Variants in PCDH9 observed in about 807,000 individuals in gnomAD.
PCDH9 encodes protocadherin-9.
Under a neutral mutation model 70.6 loss-of-function variants are expected in PCDH9, and 24 were observed. The ratio of observed to expected loss-of-function variants is 0.34; its 90% CI spans 0.25 to 0.48. The LOEUF is 0.48. Among genes scored for constraint, PCDH9 ranks in the 20% least tolerant of loss-of-function variants. The pLI, the probability that PCDH9 is intolerant of heterozygous loss-of-function variation, is 0.99. For missense variants in PCDH9, 1,281 were observed against 1,503.6 expected, an observed-to-expected ratio of 0.85 and a Z score of 2.45; for synonymous variants, 562 against 558.5, an observed-to-expected ratio of 1.01 and a Z score of -0.09.
rs139153382 is a variant in PCDH9, at chr13:66,807,351, T to C, written c.3138+96153A>G. Among the ~76,000 whole-genome samples the C allele has an allele frequency of 1.6e-3, 241 of 152,308 alleles. 1 individual carries two copies. The highest frequency in any genetic ancestry group is 5.5e-3 in the African/African-American group (228 of 41,570). On this transcript the variant is annotated intron_variant, in intron 3 of 4. Transcript: ENST00000377865. ...CCAAATAGCTGGATTTGTGCAACAC[T>C]ATTATACTATTTTTCAAATTCTTCA... is the stretch of plus-strand genomic sequence containing the variant.
At chr13:67,151,375 C>T (rs754651256) in intron 2 of PCDH9, among the ~76,000 whole-genome samples, 5 of 152,238 alleles carry the variant, frequency 3.3e-5, no homozygotes, top group Non-Finnish European at 5.9e-5. Flanking sequence ...AAGAACATGA[C>T]CTTATTTCCT....
chr13:66,783,488 C>A (rs558721648), intron 3 of PCDH9, among the ~76,000 whole-genome samples: 1 of 152,188 alleles, frequency 6.6e-6, no homozygotes, highest in South Asian at 2.1e-4. Context: ...CAGGTATATT[C>A]TGAACACTGT....
chr13:66,701,384 T>C (rs565792080), intron 3 of PCDH9, among the ~76,000 whole-genome samples: 19 of 152,136 alleles, frequency 1.2e-4, no homozygotes, highest in Non-Finnish European at 2.6e-4. Flanking sequence ...TGTGTAAATA[T>C]ATATATACAT....
intron 3 of PCDH9, among the ~76,000 whole-genome samples, chr13:66,695,195 G>T (rs559196933): frequency 2.6e-3 from 395 of 152,230 alleles, no homozygotes; most frequent in African/African-American, 8.6e-3. Context: ...GAGCCACCGC[G>T]CCCGGTATAT....
chr13:66,810,791 G>C (rs965848355), intron 3 of PCDH9, among the ~76,000 whole-genome samples: 1 of 151,610 alleles, frequency 6.6e-6, no homozygotes, highest in Non-Finnish European at 1.5e-5. Flanking sequence ...AATATTTCAA[G>C]CTTAAGAAAA....
In PCDH9 at chr13:66,849,517, T is replaced by TATATAGAG. The variant is rs1272589939; in HGVS notation, c.3138+53986_3138+53987insCTCTATAT. ...ATATATATATATATATATATATATA[T>TATATAGAG]AGAGAGAGAGAGAGAGAGAGAGAGA... is the stretch of plus-strand genomic sequence containing the variant. On this transcript the variant is annotated intron_variant, in intron 3 of 4. Transcript: ENST00000377865. Among the ~76,000 whole-genome samples, 117 of 63,546 alleles carry TATATAGAG rather than the reference T, an allele frequency of 1.8e-3. 1 individual carries two copies. Among genetic ancestry groups the TATATAGAG allele is most frequent in the Admixed American group, 5.7e-3 (29 of 5,048 alleles). 41.7% of individuals were successfully genotyped at this position (63,546 alleles called of 152,430 possible).
intron 2 of PCDH9, among the ~76,000 whole-genome samples, chr13:67,100,895 G>T (rs903690735): frequency 3.9e-5 from 6 of 152,158 alleles, no homozygotes; most frequent in Admixed American, 1.3e-4. Context: ...AATAAAAACT[G>T]CTGGGAAAGA....
intron 3 of PCDH9, among the ~76,000 whole-genome samples, chr13:66,884,846 A>C (rs905143911): frequency 3.9e-5 from 6 of 152,188 alleles, no homozygotes; most frequent in Non-Finnish European, 7.3e-5. Context: ...AGGGAACTAC[A>C]AAAAAATGAC....
intron 3 of PCDH9, among the ~76,000 whole-genome samples, chr13:66,743,698 G>C (rs533576350): frequency 3.3e-5 from 5 of 152,160 alleles, no homozygotes; most frequent in African/African-American, 1.2e-4. Context: ...TAAATAGCTT[G>C]ATCTAGCTAT....
intron 4 of PCDH9, among the ~76,000 whole-genome samples, chr13:66,318,970 G>C (rs1259566515): frequency 6.6e-6 from 1 of 152,138 alleles, no homozygotes; most frequent in African/African-American, 2.4e-5. Flanking sequence ...CTACACTTCA[G>C]TAAGAGTGTA....
intron 2 of PCDH9, among the ~76,000 whole-genome samples, chr13:66,918,181 T>C (rs537089369): frequency 7.9e-5 from 12 of 151,266 alleles, no homozygotes; most frequent in African/African-American, 2.9e-4. Flanking sequence ...TAAACAGATG[T>C]TTTGAGTAAT....
chr13:67,011,278 G>A (rs1408179502), intron 2 of PCDH9, among the ~76,000 whole-genome samples: 3 of 151,724 alleles, frequency 2.0e-5, no homozygotes, highest in Admixed American at 2.0e-4. Flanking sequence ...TCTATATCCT[G>A]CATTTATAGT....
chr13:67,068,509 T>A (rs919507332), intron 2 of PCDH9, among the ~76,000 whole-genome samples: 93 of 152,116 alleles, frequency 6.1e-4, no homozygotes, highest in Admixed American at 6.1e-3. Context: ...TATTTAATCA[T>A]AATACCTTTA....
At chr13:66,332,622 T>C (rs9571574) in intron 4 of PCDH9, among the ~76,000 whole-genome samples, 3 of 151,782 alleles carry the variant, frequency 2.0e-5, no homozygotes. Flanking sequence ...GAGATACTCA[T>C]GTGCTCTAAA....
intron 2 of PCDH9, among the ~76,000 whole-genome samples, chr13:67,082,792 T>A (rs2086011630): frequency 6.6e-6 from 1 of 152,212 alleles, no homozygotes; most frequent in African/African-American, 2.4e-5. Context: ...TGTCTGTACC[T>A]TGCTCCAAAA....
chr13:66,829,717 CAAA>C (rs562176354), intron 3 of PCDH9, among the ~76,000 whole-genome samples: 91 of 53,122 alleles, frequency 1.7e-3, no homozygotes, highest in African/African-American at 3.1e-3. Context: ...GACTCCGTCT[CAAA>C]AAAAAAAAAA....
intron 4 of PCDH9, among the ~76,000 whole-genome samples, chr13:66,419,051 T>G (rs1411366489): frequency 1.3e-5 from 2 of 152,002 alleles, no homozygotes; most frequent in African/African-American, 4.8e-5. Context: ...AGAAGTTGAA[T>G]CCCTGAACAG....
intron 4 of PCDH9, among the ~76,000 whole-genome samples, chr13:66,339,406 G>A (rs1343376449): frequency 6.6e-6 from 1 of 151,974 alleles, no homozygotes; most frequent in Non-Finnish European, 1.5e-5. Context: ...CCTAAAGGAA[G>A]TCTTTCTACA....
intron 4 of PCDH9, among the ~76,000 whole-genome samples, chr13:66,332,577 C>T (rs1032288953): frequency 6.6e-6 from 1 of 151,926 alleles, no homozygotes; most frequent in Non-Finnish European, 1.5e-5. Context: ...ATGAGGCACA[C>T]AAGTCAATAG....
Sources: allele counts gnomAD v4.1 joint callset (sites outside exome capture counted in the v4.1 genomes callset), GRCh38; gene constraint gnomAD v4.1.1; transcripts MANE v1.5; gene names NCBI Gene and HGNC (gene_info 2026-07-23, HGNC 2026-07-21).